The following TTC8 variants were observed in gnomAD, a reference collection of about 807,000 sequenced individuals.
TTC8 encodes the protein tetratricopeptide repeat domain 8.
In TTC8, 47 loss-of-function variants were observed where a neutral mutation model predicts 72.5. That is an observed-to-expected ratio of 0.65 (90% CI 0.51 to 0.83). The LOEUF is 0.83. Ranked by LOEUF, TTC8 falls within the 40% of genes least tolerant of loss-of-function variation. The probability of loss-of-function intolerance (pLI) is 0.00; values close to 1 mark genes in which losing one functional copy is unlikely to be tolerated. For missense variants in TTC8, 611 were observed against 623.2 expected, an observed-to-expected ratio of 0.98 and a Z score of 0.21; for synonymous variants, 199 against 221.4, an observed-to-expected ratio of 0.90 and a Z score of 0.90.
chr14:88,840,093 T>G (rs1028802052), intron 3 of TTC8: 1 of 162,410 alleles, frequency 6.2e-6, no homozygotes, highest in Non-Finnish European at 1.4e-5. Flanking sequence ...GGGCTGTGAG[T>G]GTCTGTTGGG....
chr14:88,835,104 T>C (rs1048710031), intron 2 of TTC8, among the ~76,000 whole-genome samples: 2 of 152,184 alleles, frequency 1.3e-5, no homozygotes, highest in East Asian at 3.8e-4. Context: ...TTCATTTTCA[T>C]AGAGTAGGCA....
At chr14:88,835,530 A>G (rs2094746482) in intron 2 of TTC8, among the ~76,000 whole-genome samples, 1 of 152,222 alleles carries the variant, frequency 6.6e-6, no homozygotes, top group Non-Finnish European at 1.5e-5. Flanking sequence ...CTTAAAAAAC[A>G]AAGTTCCAAA....
upstream of TTC8, chr14:88,824,557 C>G: frequency 4.8e-5 from 29 of 605,632 alleles, no homozygotes; most frequent in South Asian, 1.9e-5. Context: ...GGTTGTTTTT[C>G]TTTTTCCTGT....
chr14:88,848,248 G>A (rs1488224640), intron 7 of TTC8, among the ~76,000 whole-genome samples: 2 of 151,220 alleles, frequency 1.3e-5, no homozygotes, highest in African/African-American at 4.9e-5. Context: ...CACATTAGAG[G>A]TGTACTTTTT....
At chr14:88,880,489 G>A (rs938839831), downstream of TTC8, 5 of 152,154 alleles carry the variant, frequency 3.3e-5, no homozygotes, top group African/African-American at 1.2e-4. Flanking sequence ...TGACTAATAA[G>A]GGAAAGTGGA....
intron 10 of TTC8, among the ~76,000 whole-genome samples, chr14:88,869,463 A>G (rs1268233371): frequency 6.6e-6 from 1 of 151,764 alleles, no homozygotes; most frequent in African/African-American, 2.4e-5. Flanking sequence ...TGCAAATATG[A>G]TTGTTATTCC....
chr14:88,824,496 C>T, upstream of TTC8: 1 of 581,840 alleles, frequency 1.7e-6, no homozygotes, highest in Non-Finnish European at 3.1e-6. Context: ...TAAAAGTAGA[C>T]ATCTTTTTCC....
In TTC8 at chr14:88,824,836, C is replaced by A. The variant is rs779958828; in HGVS notation, c.114+15C>A. The A allele has an allele frequency of 1.3e-5, 21 of 1,603,696 alleles. No individual in the cohort carries two copies. The highest frequency in any genetic ancestry group is 1.8e-5 in the Non-Finnish European group (21 of 1,172,582). ...CTTATGACCAGGTACCGGCCAGCTCCCGTCAGCCTGTGCATCCTGACGCTG... is the reference window on the plus strand; with the variant it reads ...CTTATGACCAGGTACCGGCCAGCTCACGTCAGCCTGTGCATCCTGACGCTG... On this transcript the variant is annotated intron_variant, in intron 1 of 14. Transcript: ENST00000380656.
chr14:88,846,331 A>G (rs56190762), intron 7 of TTC8, among the ~76,000 whole-genome samples: 16,223 of 151,598 alleles, frequency 0.11, 2,354 homozygotes, highest in African/African-American at 0.32. Context: ...TGTCTCAAAA[A>G]AAAAGAAAAG....
At chr14:88,861,371 A>G (rs1348161304) in intron 10 of TTC8, 39 bp downstream of exon 10, 1 of 1,434,268 alleles carries the variant, frequency 7.0e-7, no homozygotes, top group Admixed American at 1.7e-5. Flanking sequence ...ATTGATACAC[A>G]ATAGTTTTAC....
rs141045640 is a variant in TTC8 at position 88,874,004 on chromosome 14, G to A, written c.1348-1022G>A. Among the ~76,000 whole-genome samples the A allele has an allele frequency of 3.0e-3, 460 of 152,306 alleles. 2 individuals are homozygous for A. Among genetic ancestry groups the A allele is most frequent in the African/African-American group, 0.011 (444 of 41,566 alleles). On this transcript the variant is annotated intron_variant, in intron 13 of 14. Transcript: ENST00000380656. ...AAATTCTCCCAAAGTAAGGAAGATA[G>A]ATTTGTAGTTTACAGACTGTTCTAA...
rs754657966 is a variant in TTC8, at chr14:88,877,305, G to A, written c.1443G>A (p.Leu481=). 6.2e-7 allele frequency: 1 copy of A among 1,613,332 alleles called. No individual in the cohort carries two copies. The highest frequency in any genetic ancestry group is 1.1e-5 in the South Asian group (1 of 91,060). ...FATISDKIGD[L]QRSYVAAQKS... is the part of the protein sequence containing the mutation. ...TGTATTTTTTGCAGATTGGAGATCT[G>A]CAGAGAAGCTATGTTGCTGCGCAGA... is the stretch of plus-strand genomic sequence containing the variant. The change falls in exon 15 of 15, where the codon CTG becomes CTA. Residue 481 remains leucine, a synonymous_variant. Coordinates refer to ENST00000380656, the MANE Select transcript of TTC8 (RefSeq NM_144596.4).
chr14:88,850,796 C>T (rs1318242855), intron 7 of TTC8, among the ~76,000 whole-genome samples: 1 of 152,188 alleles, frequency 6.6e-6, no homozygotes, highest in Non-Finnish European at 1.5e-5. Context: ...AGTCAATATG[C>T]GTGACCTCGG....
intron 1 of TTC8, among the ~76,000 whole-genome samples, chr14:88,831,774 C>T (rs960232617): frequency 2.6e-5 from 4 of 152,112 alleles, no homozygotes; most frequent in African/African-American, 7.2e-5. Flanking sequence ...AGGAAGATGT[C>T]CAGTGAAATG....
chr14:88,846,572 A>G (rs1478654601), intron 7 of TTC8: 5 of 1,261,004 alleles, frequency 4.0e-6, no homozygotes, highest in Non-Finnish European at 5.5e-6. Context: ...TTTGTAGGTC[A>G]TGGTGACAAT....
intron 1 of TTC8, among the ~76,000 whole-genome samples, chr14:88,828,609 C>G (rs58831002): frequency 0.087 from 13,238 of 152,104 alleles, 1,222 homozygotes; most frequent in East Asian, 0.27. Flanking sequence ...TTTTCCCCTC[C>G]CCATTACAAA....
At chr14:88,853,094 A>T in intron 8 of TTC8, 38 bp downstream of exon 8, 2 of 1,517,054 alleles carry the variant, frequency 1.3e-6, no homozygotes, top group Non-Finnish European at 1.8e-6. Flanking sequence ...AGAAGTGGCC[A>T]CGTATTTTAG....
chr14:88,829,126 G>A (rs1006381510), intron 1 of TTC8, among the ~76,000 whole-genome samples: 4 of 152,112 alleles, frequency 2.6e-5, no homozygotes, highest in Admixed American at 2.0e-4. Flanking sequence ...GAGGCCAGCC[G>A]GGGTCTGTAA....
chr14:88,828,421 CAT>C (rs1284344973), intron 1 of TTC8, among the ~76,000 whole-genome samples: 1 of 152,182 alleles, frequency 6.6e-6, no homozygotes, highest in Non-Finnish European at 1.5e-5. Context: ...GCCTCATGGG[CAT>C]TTACTGAGGT....
Sources: gnomAD v4.1 joint callset for allele counts (sites outside exome capture counted in the v4.1 genomes callset) on GRCh38, gnomAD v4.1.1 for gene constraint, MANE v1.5 for transcripts, NCBI Gene and HGNC (gene_info 2026-07-23, HGNC 2026-07-21) for gene names.